Variants in LGSN observed in about 807,000 individuals in gnomAD.
LGSN encodes lengsin, lens protein with glutamine synthetase domain.
A neutral mutation model predicts 19.5 loss-of-function variants in LGSN; 21 were observed. The observed-to-expected ratio is 1.07, with a 90% confidence interval of 0.76 to 1.55. LGSN has a LOEUF of 1.55. Among genes scored for constraint, LGSN ranks in the 40% most tolerant of loss-of-function variants. The probability of loss-of-function intolerance (pLI) is 0.00; values close to 1 mark genes in which losing one functional copy is unlikely to be tolerated. For missense variants in LGSN, 673 were observed against 608.5 expected (o/e 1.11, Z -1.12); for synonymous variants, 257 against 215.6 (o/e 1.19, Z -1.68).
the LGSN span, among the ~76,000 whole-genome samples, chr6:63,453,089 G>T: frequency 6.6e-6 from 1 of 151,884 alleles, no homozygotes; most frequent in East Asian, 1.9e-4. Flanking sequence ...TTAATATTTG[G>T]AGATTTTTAA....
chr6:63,281,951 T>G (rs577378354), intron 3 of LGSN, among the ~76,000 whole-genome samples: 65 of 152,352 alleles, frequency 4.3e-4, no homozygotes, highest in African/African-American at 1.5e-3. Flanking sequence ...CAGATCTGCC[T>G]TCTCATCCTA....
chr6:63,546,296 A>G, the LGSN span, among the ~76,000 whole-genome samples: 1 of 152,240 alleles, frequency 6.6e-6, no homozygotes, highest in African/African-American at 2.4e-5. Flanking sequence ...AGAAAGACAC[A>G]TACTCTATGA....
the LGSN span, among the ~76,000 whole-genome samples, chr6:63,522,301 A>G: frequency 6.6e-6 from 1 of 152,234 alleles, no homozygotes; most frequent in South Asian, 2.1e-4. Context: ...ATAGTTATAA[A>G]GATAAGATGT....
At chr6:63,296,390 A>G (rs113450634) in intron 1 of LGSN, among the ~76,000 whole-genome samples, 5,284 of 151,832 alleles carry the variant, frequency 0.035, 310 homozygotes, top group African/African-American at 0.12. Flanking sequence ...TGGCAGAAAT[A>G]TAAAGCTTTA....
chr6:63,327,121 G>T, the LGSN span, among the ~76,000 whole-genome samples: 32 of 152,224 alleles, frequency 2.1e-4, no homozygotes, highest in Non-Finnish European at 4.7e-4. Flanking sequence ...CCCTGCAGTT[G>T]TAGTGTCCTT....
the LGSN span, among the ~76,000 whole-genome samples, chr6:63,348,811 G>C: frequency 6.8e-6 from 1 of 146,302 alleles, no homozygotes; most frequent in African/African-American, 2.5e-5. Flanking sequence ...GGCTGGTCTC[G>C]AAATCTTGGC....
rs967322931 is a variant in LGSN, at chr6:63,278,279, C to T, written c.*1742G>A. On this transcript the variant is annotated 3_prime_UTR_variant, in exon 4 of 4. Transcript: ENST00000370657. ...TACTGAGAACAGAGGGGAAAATGAA[C>T]AGAGGGGAATTTTCTAGCAGACAGC... 1 of 151,848 alleles carries T rather than the reference C, an allele frequency of 6.6e-6. No homozygotes were observed. Among genetic ancestry groups the T allele is most frequent in the Non-Finnish European group, 1.5e-5 (1 of 67,980 alleles). The allele number at this position is 151,848 out of a possible 1,614,324, so 9.4% of individuals were successfully genotyped here.
At chr6:63,547,592 G>C in the LGSN span, among the ~76,000 whole-genome samples, 13 of 140,958 alleles carry the variant, frequency 9.2e-5, no homozygotes, top group African/African-American at 3.5e-4. Flanking sequence ...TGCGAGCTCC[G>C]CCTCCCGGGT....
At chr6:63,307,984 C>A (rs1173645809) in intron 1 of LGSN, among the ~76,000 whole-genome samples, 1 of 152,162 alleles carries the variant, frequency 6.6e-6, no homozygotes, top group Non-Finnish European at 1.5e-5. Flanking sequence ...ACTACACAGG[C>A]AGAGTATTTC....
chr6:63,545,514 G>A, the LGSN span, among the ~76,000 whole-genome samples: 4 of 152,124 alleles, frequency 2.6e-5, no homozygotes, highest in African/African-American at 9.7e-5. Context: ...GGGAGGCTGA[G>A]GCAGGAGAAT....
At chr6:63,373,524 C>T in the LGSN span, among the ~76,000 whole-genome samples, 9 of 152,142 alleles carry the variant, frequency 5.9e-5, no homozygotes, top group South Asian at 2.1e-4. Context: ...AATTAAGATA[C>T]GTTTACAAAA....
the LGSN span, among the ~76,000 whole-genome samples, chr6:63,375,448 T>C: frequency 2.8e-3 from 424 of 151,764 alleles, 4 homozygotes; most frequent in African/African-American, 9.6e-3. Context: ...TCTTGGCAAA[T>C]ATTACTACTA....
At chr6:63,469,406 G>C in the LGSN span, among the ~76,000 whole-genome samples, 1 of 152,194 alleles carries the variant, frequency 6.6e-6, no homozygotes, top group Admixed American at 6.5e-5. Flanking sequence ...GGAAGGCAAT[G>C]CTGTAAGCAT....
At chr6:63,430,659 A>G in the LGSN span, among the ~76,000 whole-genome samples, 6 of 152,254 alleles carry the variant, frequency 3.9e-5, no homozygotes, top group Admixed American at 3.9e-4. Context: ...AAGTGTTGGG[A>G]TTACAGGCAT....
chr6:63,441,306 G>A, the LGSN span: 1 of 462,610 alleles, frequency 2.2e-6, no homozygotes, highest in Non-Finnish European at 4.3e-6. Context: ...GCACCCACCA[G>A]CAGACTTGGG....
At chr6:63,432,173 A>AAAGAGAG in the LGSN span, among the ~76,000 whole-genome samples, 2 of 29,552 alleles carry the variant, frequency 6.8e-5, no homozygotes, top group African/African-American at 3.4e-4. Flanking sequence ...AAGAAAGAAA[A>AAAGAGAG]GGAAAGAAAG....
the LGSN span, among the ~76,000 whole-genome samples, chr6:63,406,227 T>G: frequency 6.6e-6 from 1 of 152,078 alleles, no homozygotes; most frequent in African/African-American, 2.4e-5. Flanking sequence ...AATATACATT[T>G]TTTTCAGCAC....
At chr6:63,505,034 T>C in the LGSN span, among the ~76,000 whole-genome samples, 22 of 152,210 alleles carry the variant, frequency 1.4e-4, no homozygotes, top group African/African-American at 4.3e-4. Flanking sequence ...ATTTCTCATC[T>C]ACACCAGGAA....
intron 1 of LGSN, among the ~76,000 whole-genome samples, chr6:63,307,030 T>C (rs1768419458): frequency 6.6e-6 from 1 of 152,038 alleles, no homozygotes; most frequent in African/African-American, 2.4e-5. Flanking sequence ...GGCACAACTG[T>C]ATCAGCAGTG....
Sources: gnomAD v4.1 joint callset for allele counts (sites outside exome capture counted in the v4.1 genomes callset) on GRCh38, gnomAD v4.1.1 for gene constraint, MANE v1.5 for transcripts, NCBI Gene and HGNC (gene_info 2026-07-23, HGNC 2026-07-21) for gene names.